Variants in STARD3NL observed in about 807,000 individuals in gnomAD.
STARD3NL encodes STARD3 N-terminal like.
Under a neutral mutation model 30.9 loss-of-function variants are expected in STARD3NL, and 17 were observed. That is an observed-to-expected ratio of 0.55 (90% CI 0.38 to 0.82). STARD3NL has a LOEUF of 0.82. Ranked by LOEUF, STARD3NL falls within the 40% of genes least tolerant of loss-of-function variation. The pLI is 0.00. For synonymous variants in STARD3NL, 112 were observed against 100.5 expected (o/e 1.11, Z -0.69); for missense variants, 234 against 277.6 (o/e 0.84, Z 1.12).
intron 1 of STARD3NL, chr7:38,198,363 A>C (rs1202847748): frequency 6.6e-6 from 1 of 152,208 alleles, no homozygotes; most frequent in African/African-American, 2.4e-5. Flanking sequence ...CTTTATTATC[A>C]TGGTAAGAGA....
intron 6 of STARD3NL, among the ~76,000 whole-genome samples, chr7:38,217,688 G>T (rs1175464606): frequency 6.6e-6 from 1 of 152,186 alleles, no homozygotes; most frequent in Non-Finnish European, 1.5e-5. Context: ...GCTGTTTAGG[G>T]TCAGAGAAAA....
chr7:38,228,436 T>C (rs1252740969), intron 7 of STARD3NL, among the ~76,000 whole-genome samples: 1 of 152,166 alleles, frequency 6.6e-6, no homozygotes, highest in African/African-American at 2.4e-5. Context: ...ACACCTAGAT[T>C]CAATTATTTG....
intron 3 of STARD3NL, 35 bp downstream of exon 3, chr7:38,214,469 A>C (rs1583817464): frequency 7.2e-7 from 1 of 1,395,376 alleles, no homozygotes; most frequent in Non-Finnish European, 1.0e-6. Flanking sequence ...CAGATGTGAT[A>C]AAACTGACCC....
chr7:38,206,699 C>T (rs944583016), intron 1 of STARD3NL, among the ~76,000 whole-genome samples: 1 of 152,144 alleles, frequency 6.6e-6, no homozygotes, highest in African/African-American at 2.4e-5. Flanking sequence ...TGGGGAAATG[C>T]TAACTAACTT....
chr7:38,208,477 T>A (rs921451422), intron 2 of STARD3NL, among the ~76,000 whole-genome samples: 5 of 152,214 alleles, frequency 3.3e-5, no homozygotes, highest in African/African-American at 1.2e-4. Flanking sequence ...TTAATAAAAA[T>A]CAAACAGATG....
At chr7:38,218,955 C>G (rs915936118) in intron 6 of STARD3NL, among the ~76,000 whole-genome samples, 1 of 152,136 alleles carries the variant, frequency 6.6e-6, no homozygotes, top group South Asian at 2.1e-4. Context: ...GCCAGCAGAC[C>G]GTTTGTAGGA....
Position 38,216,990 on chromosome 7 carries a change from C to T in STARD3NL, c.382-35C>T. On this transcript the variant is annotated intron_variant, in intron 4 of 8. Transcript: ENST00000009041. ...GAGGTACCTTCACAGTGTGAGATGCCTAGTGTGAACAGTGCTGGATTATGT... is the reference window on the plus strand; with the variant it reads ...GAGGTACCTTCACAGTGTGAGATGCTTAGTGTGAACAGTGCTGGATTATGT... 3.1e-6 allele frequency: 5 copies of T among 1,610,930 alleles called. No homozygotes were observed. In the South Asian group the frequency reaches 3.3e-5, roughly 11 times the overall value.
At chr7:38,202,347 C>G (rs1459845099) in intron 1 of STARD3NL, 2 of 152,134 alleles carry the variant, frequency 1.3e-5, no homozygotes, top group Non-Finnish European at 2.9e-5. Flanking sequence ...CCTAATGTTG[C>G]CTATATTGGC....
At chr7:38,200,023 A>G (rs1226222514) in intron 1 of STARD3NL, among the ~76,000 whole-genome samples, 1 of 152,204 alleles carries the variant, frequency 6.6e-6, no homozygotes, top group African/African-American at 2.4e-5. Flanking sequence ...TAGGCTAGCC[A>G]GTCCCACACA....
intron 1 of STARD3NL, among the ~76,000 whole-genome samples, chr7:38,195,335 C>T (rs549776107): frequency 2.0e-5 from 3 of 152,266 alleles, no homozygotes; most frequent in Non-Finnish European, 4.4e-5. Flanking sequence ...AGATTACAAG[C>T]GTGAGCCACT....
chr7:38,198,761 G>A (rs972304425), intron 1 of STARD3NL, among the ~76,000 whole-genome samples: 2 of 152,142 alleles, frequency 1.3e-5, no homozygotes, highest in Non-Finnish European at 2.9e-5. Context: ...CCTGTAAAAT[G>A]CAAGTAGTGG....
intron 1 of STARD3NL, among the ~76,000 whole-genome samples, chr7:38,178,840 C>T (rs7783754): frequency 7.0e-6 from 1 of 142,822 alleles, no homozygotes; most frequent in East Asian, 2.1e-4. Flanking sequence ...TGAGTCTCTT[C>T]TATTCATTGA....
intron 4 of STARD3NL, chr7:38,216,141 C>G (rs1354373404): frequency 1.3e-5 from 2 of 152,062 alleles, no homozygotes; most frequent in Non-Finnish European, 2.9e-5. Flanking sequence ...TTCCTGAGTC[C>G]CCATATGTAT....
At chr7:38,206,502 T>C (rs184750675) in intron 1 of STARD3NL, among the ~76,000 whole-genome samples, 54 of 152,324 alleles carry the variant, frequency 3.5e-4, no homozygotes, top group African/African-American at 1.2e-3. Flanking sequence ...ATCAGATTAT[T>C]TGGATTACTC....
chr7:38,206,258 G>A (rs1785470231), intron 1 of STARD3NL, among the ~76,000 whole-genome samples: 1 of 152,188 alleles, frequency 6.6e-6, no homozygotes, highest in Non-Finnish European at 1.5e-5. Flanking sequence ...AAAGAAAGGA[G>A]AGTGTGGTGA....
intron 1 of STARD3NL, among the ~76,000 whole-genome samples, chr7:38,201,249 A>G (rs543653840): frequency 2.0e-5 from 3 of 152,364 alleles, no homozygotes; most frequent in Non-Finnish European, 4.4e-5. Flanking sequence ...AGGTGAAAGT[A>G]TCTATAAATT....
intron 1 of STARD3NL, among the ~76,000 whole-genome samples, chr7:38,185,720 G>C (rs1784431092): frequency 6.6e-6 from 1 of 152,194 alleles, no homozygotes; most frequent in Non-Finnish European, 1.5e-5. Context: ...TGGCTTTGCT[G>C]ACTACTTATC....
At chr7:38,213,768 G>A (rs1200707489) in intron 2 of STARD3NL, among the ~76,000 whole-genome samples, 3 of 152,172 alleles carry the variant, frequency 2.0e-5, no homozygotes, top group African/African-American at 7.2e-5. Flanking sequence ...AGTTGTATCA[G>A]GTTTGAGTCT....
chr7:38,229,152 C>T (rs1786956773), intron 8 of STARD3NL, among the ~76,000 whole-genome samples: 1 of 152,226 alleles, frequency 6.6e-6, no homozygotes, highest in Non-Finnish European at 1.5e-5. Context: ...ACATGCCAGT[C>T]ACATGTCATT....
Sources: allele counts gnomAD v4.1 joint callset (sites outside exome capture counted in the v4.1 genomes callset), GRCh38; gene constraint gnomAD v4.1.1; transcripts MANE v1.5; gene names NCBI Gene and HGNC (gene_info 2026-07-23, HGNC 2026-07-21).